Variants in SLC5A11 observed in about 807,000 individuals in gnomAD.
The protein encoded by SLC5A11 is solute carrier family 5 member 11, also known as sodium/myo-inositol cotransporter 2.
A neutral mutation model predicts 69.8 loss-of-function variants in SLC5A11; 48 were observed. That is an observed-to-expected ratio of 0.69 (90% confidence interval 0.55 to 0.87). The LOEUF (loss-of-function observed/expected upper bound fraction) is 0.87. Among genes scored for constraint, SLC5A11 ranks in the 40% least tolerant of loss-of-function variants. The pLI is 0.00. For missense variants in SLC5A11, 784 were observed against 866.1 expected (o/e 0.91, Z 1.19); for synonymous variants, 319 against 342.4 (o/e 0.93, Z 0.75).
At chr16:24,861,196 A>G (rs2059756156) in intron 2 of SLC5A11, among the ~76,000 whole-genome samples, 1 of 151,958 alleles carries the variant, frequency 6.6e-6, no homozygotes, top group East Asian at 1.9e-4. Flanking sequence ...CAACTTTGAG[A>G]TAAAAGGTCA....
At chr16:24,907,300 A>C (rs141032101) in intron 12 of SLC5A11, 125 bp downstream of exon 13, 20 of 1,035,684 alleles carry the variant, frequency 1.9e-5, no homozygotes, top group South Asian at 7.8e-5. Context: ...TGTGCAAGAC[A>C]TTCATTCATT....
At chr16:24,859,445 TAA>T in intron 2 of SLC5A11, 1 of 152,176 alleles carries the variant, frequency 6.6e-6, no homozygotes, top group African/African-American at 2.4e-5. Context: ...TTTTTTACTT[TAA>T]AGAAAACTTT....
chr16:24,902,701 G>A (rs755952752), intron 10 of SLC5A11, among the ~76,000 whole-genome samples: 8 of 152,030 alleles, frequency 5.3e-5, no homozygotes, highest in Non-Finnish European at 8.8e-5. Context: ...CACCAACCCC[G>A]GTTAATTTCA....
At chr16:24,888,782 C>T (rs1318113732) in intron 8 of SLC5A11, among the ~76,000 whole-genome samples, 2 of 81,922 alleles carry the variant, frequency 2.4e-5, no homozygotes, top group Non-Finnish European at 5.4e-5. Flanking sequence ...CCGTGCCTGT[C>T]CTTTTTTTTT....
rs576334482 is a variant in SLC5A11, at chr16:24,907,303, C to A, written c.1265+128C>A. The A allele has an allele frequency of 1.3e-5, 14 of 1,041,640 alleles. No homozygotes were observed. The African/African-American group carries it at 1.4e-4, about 11-fold the overall frequency. The allele number at this position is 1,041,640 out of a possible 1,614,324, so 64.5% of individuals were successfully genotyped here. On this transcript the variant is annotated intron_variant, in intron 12 of 15. Transcript: ENST00000347898. ...ATTAGGACTCCATGTGCAAGACATTCATTCATTCAGGAGATGCTGAACGAG... is the reference window on the plus strand; with the variant it reads ...ATTAGGACTCCATGTGCAAGACATTAATTCATTCAGGAGATGCTGAACGAG...
intron 10 of SLC5A11, among the ~76,000 whole-genome samples, chr16:24,904,372 T>C (rs1257225125): frequency 3.9e-5 from 6 of 152,240 alleles, no homozygotes; most frequent in Admixed American, 3.9e-4. Flanking sequence ...CCACCAACAA[T>C]GTATAAGAGT....
chr16:24,889,734 G>C (rs1451537517), intron 8 of SLC5A11, among the ~76,000 whole-genome samples: 1 of 151,694 alleles, frequency 6.6e-6, no homozygotes, highest in Non-Finnish European at 1.5e-5. Flanking sequence ...TTTTAGTAGA[G>C]ACAGGGTTTC....
intron 7 of SLC5A11, among the ~76,000 whole-genome samples, chr16:24,878,120 C>T (rs962940207): frequency 6.6e-6 from 1 of 151,590 alleles, no homozygotes; most frequent in African/African-American, 2.4e-5. Context: ...GTGTCATTGC[C>T]CTCCAGCCTG....
intron 3 of SLC5A11, among the ~76,000 whole-genome samples, chr16:24,864,782 TA>T (rs1200936450): frequency 6.6e-6 from 1 of 151,886 alleles, no homozygotes; most frequent in African/African-American, 2.4e-5. Flanking sequence ...AATGTTTAAC[TA>T]AACAGAATAT....
chr16:24,900,309 C>A (rs1052999491), intron 10 of SLC5A11, among the ~76,000 whole-genome samples: 5 of 152,156 alleles, frequency 3.3e-5, no homozygotes, highest in African/African-American at 1.2e-4. Context: ...TACACAGAAG[C>A]TAAGAAAGGG....
At chr16:24,896,955 T>TA in intron 9 of SLC5A11, among the ~76,000 whole-genome samples, 1 of 138,154 alleles carries the variant, frequency 7.2e-6, no homozygotes, top group African/African-American at 2.7e-5. Context: ...TTTTTTTTTT[T>TA]TTTTTTTTTT....
intron 10 of SLC5A11, among the ~76,000 whole-genome samples, chr16:24,905,191 AG>A (rs1205178546): frequency 6.7e-6 from 1 of 149,216 alleles, no homozygotes; most frequent in South Asian, 2.1e-4. Flanking sequence ...TGGGAAGCCA[AG>A]GCGGGAGGAA....
rs147778032 is a variant in SLC5A11 at position 24,911,476 on chromosome 16, C to T, written c.1971C>T (p.Asp657=). ...ACCCCTTGGTGAAGACCCTCCTGGA[C>T]GTCAACCTCATTTTCTGCGTGAGCT... Residue 657 remains aspartate (D), a synonymous_variant, in exon 16 of 16, where the codon GAC becomes GAT. Transcript: ENST00000347898. 2.5e-5 allele frequency: 41 copies of T among 1,613,980 alleles called. No homozygotes were observed. The East Asian group carries it at 5.3e-4, about 21-fold the overall frequency.
intron 7 of SLC5A11, among the ~76,000 whole-genome samples, chr16:24,881,723 G>T (rs1670957293): frequency 6.6e-6 from 1 of 152,172 alleles, no homozygotes; most frequent in South Asian, 2.1e-4. Flanking sequence ...AACACTCTGA[G>T]ATGAGAACCT....
chr16:24,909,822 C>A, intron 14 of SLC5A11, among the ~76,000 whole-genome samples: 1 of 111,102 alleles, frequency 9.0e-6, no homozygotes, highest in Non-Finnish European at 1.8e-5. Context: ...GAACAAGAGC[C>A]TGTCTTTAAA....
chr16:24,890,919 G>GCCC, exon 9 of SLC5A11: 1 of 1,614,128 alleles, frequency 6.2e-7, no homozygotes, highest in Non-Finnish European at 8.5e-7. Context: ...GTACTTCTTG[G>GCCC]CCCTGGCTAG....
At chr16:24,870,706 G>A (rs1223856592) in intron 4 of SLC5A11, among the ~76,000 whole-genome samples, 5 of 147,916 alleles carry the variant, frequency 3.4e-5, no homozygotes, top group African/African-American at 5.0e-5. Flanking sequence ...CTTGAACCTG[G>A]GAGACAGAGG....
intron 15 of SLC5A11, 56 bp downstream of exon 16, chr16:24,910,533 A>T (rs2050440783): frequency 6.0e-6 from 8 of 1,327,260 alleles, no homozygotes; most frequent in South Asian, 1.5e-5. Flanking sequence ...AAAGGGATTG[A>T]TTTTTTTTTT....
At position 24,870,942 on chromosome 16, in the gene SLC5A11, T is replaced by C. The variant is rs535708193; in HGVS notation, c.312+937T>C. 2.0e-5 allele frequency among the ~76,000 whole-genome samples: 3 copies of C among 152,250 alleles called. 1 individual carries two copies. The East Asian group carries it at 5.8e-4, about 29-fold the overall frequency. ...TTTACAGCTCAGTAGTTTTTGACTT[T>C]GTTTGCTACCTCTGAGATACTCAAG... On this transcript the variant is annotated intron_variant, in intron 4 of 15. Transcript: ENST00000347898.
Sources: allele counts gnomAD v4.1 joint callset (sites outside exome capture counted in the v4.1 genomes callset), GRCh38; gene constraint gnomAD v4.1.1; transcripts MANE v1.5; gene names NCBI Gene and HGNC (gene_info 2026-07-23, HGNC 2026-07-21).